TCTN3: variants seen among roughly 807,000 people sequenced by gnomAD.
The protein encoded by TCTN3 is tectonic-3.
In TCTN3, 57 loss-of-function variants were observed where a neutral mutation model predicts 71.3. The ratio of observed to expected loss-of-function variants is 0.80; its 90% CI spans 0.65 to 1.00. The LOEUF is 1.00. Among genes scored for constraint, TCTN3 ranks in the 50% least tolerant of loss-of-function variants. The probability of loss-of-function intolerance (pLI) is 0.00; values close to 1 mark genes in which losing one functional copy is unlikely to be tolerated. For synonymous variants in TCTN3, 258 were observed against 267.8 expected (o/e 0.96, Z 0.36); for missense variants, 696 against 719.9 (o/e 0.97, Z 0.38).
At chr10:95,674,524 C>T (rs1170230563) in intron 13 of TCTN3, among the ~76,000 whole-genome samples, 1 of 152,012 alleles carries the variant, frequency 6.6e-6, no homozygotes, top group African/African-American at 2.4e-5. Context: ...ACTGTACAGG[C>T]TGTCTTGTAA....
intron 13 of TCTN3, among the ~76,000 whole-genome samples, chr10:95,670,348 A>ATTTTAT (rs141942377): frequency 6.6e-6 from 1 of 150,410 alleles, no homozygotes; most frequent in African/African-American, 2.5e-5. Context: ...GACCTACTTT[A>ATTTTAT]TTTTATTTTT....
intron 12 of TCTN3, among the ~76,000 whole-genome samples, 186 bp from the exon 13 acceptor site, chr10:95,680,795 T>C (rs1369945236): frequency 3.3e-5 from 5 of 151,808 alleles, no homozygotes; most frequent in Non-Finnish European, 7.4e-5. Context: ...TTTTTTTTTT[T>C]TGAGACGAAG....
In TCTN3 at chr10:95,683,963, T is replaced by TA. The variant is rs5787153; in HGVS notation, c.1096-335dup. Among the ~76,000 whole-genome samples the TA allele has an allele frequency of 0.83, 126,755 of 151,998 alleles. 53,393 individuals are homozygous for TA. The highest frequency in any genetic ancestry group is 0.9 in the Non-Finnish European group (61,364 of 67,984). On this transcript the variant is annotated intron_variant, in intron 9 of 13. Coordinates refer to ENST00000371217, the MANE Select transcript of TCTN3 (RefSeq NM_015631.6). ...AAAATCTGAAAAATTTAAATGTAAT[T>TA]AAAAAATATATATTTTAATTAACTA...
At chr10:95,692,100 T>C (rs1294649069) in intron 3 of TCTN3, among the ~76,000 whole-genome samples, 1 of 152,226 alleles carries the variant, frequency 6.6e-6, no homozygotes, top group East Asian at 1.9e-4. Context: ...ATGGAGATTG[T>C]AGTAAGTGGG....
chr10:95,668,348 C>T (rs1057023645), intron 13 of TCTN3, among the ~76,000 whole-genome samples: 2 of 150,306 alleles, frequency 1.3e-5, no homozygotes, highest in Middle Eastern at 3.4e-3. Context: ...AACTGAGTTT[C>T]AGAGTAAAAA....
intron 6 of TCTN3, 33 bp downstream of exon 6, chr10:95,687,011 T>G (rs1350634856): frequency 6.6e-7 from 1 of 1,511,108 alleles, no homozygotes; most frequent in Admixed American, 1.7e-5. Context: ...AACTTCATAG[T>G]AGTGACAGTG....
intron 13 of TCTN3, among the ~76,000 whole-genome samples, chr10:95,678,296 T>G (rs1254624174): frequency 2.0e-5 from 3 of 151,524 alleles, no homozygotes; most frequent in African/African-American, 7.3e-5. Context: ...CTTTGGGAGG[T>G]TGAGGCGGGT....
At chr10:95,675,111 G>C (rs2097935659) in intron 13 of TCTN3, among the ~76,000 whole-genome samples, 1 of 152,146 alleles carries the variant, frequency 6.6e-6, no homozygotes, top group African/African-American at 2.4e-5. Flanking sequence ...TATTTTATTT[G>C]AAACAGGGTC....
At chr10:95,677,492 T>TTTTTTTTTTTTTG (rs2097938597) in intron 13 of TCTN3, among the ~76,000 whole-genome samples, 2 of 140,526 alleles carry the variant, frequency 1.4e-5, no homozygotes, top group Admixed American at 7.0e-5. Flanking sequence ...TGTTTTTTTT[T>TTTTTTTTTTTTTG]TTTTTTTTTG....
chr10:95,685,135 A>G (rs2097947021), intron 8 of TCTN3, among the ~76,000 whole-genome samples: 1 of 152,242 alleles, frequency 6.6e-6, no homozygotes, highest in South Asian at 2.1e-4. Flanking sequence ...TGATTAATCT[A>G]CTTCAGAGTT....
At chr10:95,688,686 A>G (rs1247755087) in intron 3 of TCTN3, among the ~76,000 whole-genome samples, 4 of 152,178 alleles carry the variant, frequency 2.6e-5, no homozygotes, top group African/African-American at 4.8e-5. Context: ...TAATTCCTCC[A>G]TTCAAGATTT....
chr10:95,688,553 T>C (rs2097950828), intron 3 of TCTN3, among the ~76,000 whole-genome samples: 1 of 152,148 alleles, frequency 6.6e-6, no homozygotes, highest in Non-Finnish European at 1.5e-5. Flanking sequence ...TGATCTGTCC[T>C]TTCCAAATCT....
Position 95,664,050 on chromosome 10 carries a change from T to C in TCTN3, c.*17A>G, listed in dbSNP as rs373314726. 3.7e-6 allele frequency: 6 copies of C among 1,609,882 alleles called. No individual in the cohort carries two copies. In the African/African-American group the frequency reaches 5.3e-5, roughly 14 times the overall value. On this transcript the variant is annotated 3_prime_UTR_variant, in exon 14 of 14. Transcript: ENST00000371217. ...GTTTCTCATAGGGAAAACTGAAATC[T>C]GATTATTTTCTTTTCTTCACATAGT...
chr10:95,680,916 T>A (rs1324577868), intron 12 of TCTN3, among the ~76,000 whole-genome samples: 1 of 151,742 alleles, frequency 6.6e-6, no homozygotes, highest in Non-Finnish European at 1.5e-5. Context: ...GTAGCTGGGA[T>A]TACAGGTGCC....
intron 13 of TCTN3, among the ~76,000 whole-genome samples, chr10:95,670,542 T>C (rs1434336023): frequency 1.3e-5 from 2 of 151,898 alleles, no homozygotes; most frequent in African/African-American, 4.8e-5. Flanking sequence ...GTATATTTTT[T>C]TTTTTAGTAG....
chr10:95,689,444 C>T (rs1589620126), intron 3 of TCTN3, among the ~76,000 whole-genome samples: 1 of 152,132 alleles, frequency 6.6e-6, no homozygotes, highest in African/African-American at 2.4e-5. Context: ...ACATTTCCTT[C>T]GGAACTCATA....
Position 95,683,619 on chromosome 10 carries a change from T to C in TCTN3, c.1106A>G (p.Gln369Arg). ...ACTGGTGAGAGAAGCAGCTGTGCTC[T>C]GTTGAAAAGCCTGCAGAAAGAGGGA... ...HFILRFRAFQ[Q>R]STAASLTSPR... The change falls in exon 10 of 14, where the codon CAG (glutamine) becomes CGG (arginine). Residue 369 changes from glutamine (Q) to arginine (R), a missense_variant. Coordinates refer to ENST00000371217, the MANE Select transcript of TCTN3 (RefSeq NM_015631.6). 1 of 1,606,112 alleles carries C rather than the reference T, an allele frequency of 6.2e-7. No individual in the cohort carries two copies. The highest frequency in any genetic ancestry group is 8.5e-7 in the Non-Finnish European group (1 of 1,176,122).
chr10:95,663,815 C>A lies in TCTN3; in HGVS notation c.*252G>T. 2.5e-6 allele frequency: 1 copy of A among 403,872 alleles called. No homozygotes were observed. The highest frequency in any genetic ancestry group is 3.1e-5 in the South Asian group (1 of 32,544). 25.0% of individuals were successfully genotyped at this position (403,872 alleles called of 1,614,324 possible). ...GGCTGAAGGAAGGCTCTTGGCCTTC[C>A]CAGCTTGAGAAGTAGGGGCCTCATG... On this transcript the variant is annotated 3_prime_UTR_variant, in exon 14 of 14. Transcript: ENST00000371217.
At position 95,663,652 on chromosome 10, in the gene TCTN3, G is replaced by A. The variant is rs1589598428; in HGVS notation, c.*415C>T. The A allele has an allele frequency of 5.3e-6, 1 of 188,280 alleles. No homozygotes were observed. Among genetic ancestry groups the A allele is most frequent in the East Asian group, 1.3e-4 (1 of 7,764 alleles). The allele number at this position is 188,280 out of a possible 1,614,324, so 11.7% of individuals were successfully genotyped here. On this transcript the variant is annotated 3_prime_UTR_variant, in exon 14 of 14. Coordinates refer to ENST00000371217, the MANE Select transcript of TCTN3 (RefSeq NM_015631.6). ...GTTCCAAACAGTTAGCTCCTCTACA[G>A]TCCAGAGGGAAGCTATTCCTGAGTT...
Sources: allele counts gnomAD v4.1 joint callset (sites outside exome capture counted in the v4.1 genomes callset), GRCh38; gene constraint gnomAD v4.1.1; transcripts MANE v1.5; gene names NCBI Gene and HGNC (gene_info 2026-07-23, HGNC 2026-07-21).